The following NIPBL variants were observed in gnomAD, a reference collection of about 807,000 sequenced individuals.
NIPBL encodes NIPBL cohesin loading factor.
Under a neutral mutation model 321.8 loss-of-function variants are expected in NIPBL, and 19 were observed. That is an observed-to-expected ratio of 0.06 (90% confidence interval 0.04 to 0.09). The LOEUF is 0.09. NIPBL is among the 10% of genes least tolerant of loss of function. The pLI, the probability that NIPBL is intolerant of heterozygous loss-of-function variation, is 1.00. For synonymous variants in NIPBL, 1,106 were observed against 1,114.1 expected (o/e 0.99, Z 0.14); for missense variants, 2,210 against 3,327.0 (o/e 0.66, Z 8.26).
chr5:37,027,816 A>G (rs188122052), intron 32 of NIPBL, among the ~76,000 whole-genome samples: 1 of 151,790 alleles, frequency 6.6e-6, no homozygotes, highest in East Asian at 1.9e-4. Context: ...ACGGGGTTTT[A>G]CTATGTTGGC....
At chr5:36,990,224 T>C (rs2149653452) in intron 10 of NIPBL, among the ~76,000 whole-genome samples, 1 of 152,348 alleles carries the variant, frequency 6.6e-6, no homozygotes, top group East Asian at 1.9e-4. Flanking sequence ...GATGAGCTAA[T>C]GATTGCAGGC....
chr5:36,889,058 A>G (rs1005649458), intron 1 of NIPBL, among the ~76,000 whole-genome samples: 1 of 152,108 alleles, frequency 6.6e-6, no homozygotes, highest in African/African-American at 2.4e-5. Flanking sequence ...TCAACAAACA[A>G]TTGTTGAATA....
At chr5:36,905,836 C>T (rs560645718) in intron 1 of NIPBL, among the ~76,000 whole-genome samples, 19 of 152,012 alleles carry the variant, frequency 1.2e-4, no homozygotes, top group African/African-American at 3.9e-4. Context: ...CTCCGCCTCC[C>T]GGGTTCACGC....
chr5:37,037,199 A>C (rs1300236344), intron 33 of NIPBL, among the ~76,000 whole-genome samples: 1 of 151,360 alleles, frequency 6.6e-6, no homozygotes, highest in Non-Finnish European at 1.5e-5. Flanking sequence ...CATCCTGGCT[A>C]ACACAATGAA....
At chr5:36,911,103 G>A (rs141170761) in intron 1 of NIPBL, among the ~76,000 whole-genome samples, 84 of 152,250 alleles carry the variant, frequency 5.5e-4, no homozygotes, top group African/African-American at 2.0e-3. Context: ...GTAGAAACCC[G>A]CTAGAAATTG....
intron 17 of NIPBL, among the ~76,000 whole-genome samples, chr5:37,007,070 A>G (rs1747524815): frequency 6.6e-6 from 1 of 151,968 alleles, no homozygotes; most frequent in Non-Finnish European, 1.5e-5. Context: ...CAATGGAGAA[A>G]AGTAGAAATC....
intron 1 of NIPBL, chr5:36,885,905 G>A (rs890850723): frequency 1.4e-5 from 10 of 735,682 alleles, no homozygotes; most frequent in African/African-American, 3.4e-5. Context: ...TGGGTTGACC[G>A]TGAAGGTAGA....
At chr5:36,937,814 T>G (rs1455001104) in intron 1 of NIPBL, among the ~76,000 whole-genome samples, 1 of 152,192 alleles carries the variant, frequency 6.6e-6, no homozygotes, top group Non-Finnish European at 1.5e-5. Flanking sequence ...TCTTGGAGTT[T>G]GGAGAACAAT....
intron 34 of NIPBL, among the ~76,000 whole-genome samples, chr5:37,041,884 T>A (rs941414174): frequency 4.0e-5 from 6 of 150,540 alleles, no homozygotes; most frequent in Non-Finnish European, 8.9e-5. Flanking sequence ...TTTTTTTTTT[T>A]AAGTAAAATG....
intron 32 of NIPBL, among the ~76,000 whole-genome samples, chr5:37,028,023 T>TA (rs889365416): frequency 2.0e-5 from 3 of 152,192 alleles, no homozygotes; most frequent in African/African-American, 4.8e-5. Flanking sequence ...GATTAATAGA[T>TA]ACAAGATTTA....
intron 1 of NIPBL, among the ~76,000 whole-genome samples, chr5:36,923,287 CAG>C (rs1749094898): frequency 6.6e-6 from 1 of 152,042 alleles, no homozygotes; most frequent in Non-Finnish European, 1.5e-5. Context: ...GCGTAGATGA[CAG>C]AGCGAGACTC....
At chr5:37,001,716 G>A (rs185081964) in intron 14 of NIPBL, among the ~76,000 whole-genome samples, 68 of 152,182 alleles carry the variant, frequency 4.5e-4, no homozygotes, top group Middle Eastern at 6.8e-3. Flanking sequence ...AAACAAAATA[G>A]TAAACCAGTT....
chr5:37,044,800 T>G (rs1579558386), intron 36 of NIPBL, 71 bp downstream of exon 36: 1 of 1,076,378 alleles, frequency 9.3e-7, no homozygotes, highest in East Asian at 2.4e-5. Context: ...TTTAAACACA[T>G]TTGATAAAAG....
At chr5:37,025,186 A>C (rs575118258) in intron 30 of NIPBL, among the ~76,000 whole-genome samples, 1 of 152,302 alleles carries the variant, frequency 6.6e-6, no homozygotes, top group East Asian at 1.9e-4. Flanking sequence ...CCAGGAATTC[A>C]AGGCTGCAGT....
At position 37,059,175 on chromosome 5, in the gene NIPBL, C is replaced by T; in HGVS notation, c.7685+10C>T. 2 of 1,613,600 alleles carry T rather than the reference C, an allele frequency of 1.2e-6. No homozygotes were observed. The highest frequency in any genetic ancestry group is 2.2e-5 in the East Asian group (1 of 44,882). ...GTGGATTTTCTGATAGGTAAGGTTA[C>T]ATAAGCAGTGAGAGAAAAAACTTCA... On this transcript the variant is annotated intron_variant, in intron 44 of 46. Transcript: ENST00000282516.
At chr5:37,009,897 C>T (rs544785702) in intron 20 of NIPBL, among the ~76,000 whole-genome samples, 190 bp from the exon 21 acceptor site, 2 of 152,306 alleles carry the variant, frequency 1.3e-5, no homozygotes, top group South Asian at 2.1e-4. Flanking sequence ...TTAATTATCT[C>T]AGCATGCATA....
intron 1 of NIPBL, among the ~76,000 whole-genome samples, chr5:36,952,053 T>TGTGTGCGTGC (rs778597604): frequency 1.8e-5 from 2 of 112,114 alleles, no homozygotes; most frequent in Admixed American, 8.9e-5. Context: ...TGTGTGTGTG[T>TGTGTGCGTGC]GCGCGCGCGC....
At chr5:36,938,360 A>T (rs1738686772) in intron 1 of NIPBL, among the ~76,000 whole-genome samples, 2 of 151,884 alleles carry the variant, frequency 1.3e-5, no homozygotes, top group Non-Finnish European at 2.9e-5. Context: ...GACCACCACC[A>T]CCACACCACG....
chr5:36,987,522 G>T (rs1188673729), intron 10 of NIPBL, among the ~76,000 whole-genome samples: 1 of 152,198 alleles, frequency 6.6e-6, no homozygotes, highest in Non-Finnish European at 1.5e-5. Context: ...ACATGCTGTT[G>T]TAGCTTGTCT....
Sources: gnomAD v4.1 joint callset for allele counts (sites outside exome capture counted in the v4.1 genomes callset) on GRCh38, gnomAD v4.1.1 for gene constraint, MANE v1.5 for transcripts, NCBI Gene and HGNC (gene_info 2026-07-23, HGNC 2026-07-21) for gene names.